The following CASK variants were observed in gnomAD, a reference collection of about 807,000 sequenced individuals.
CASK encodes peripheral plasma membrane protein CASK.
In CASK, 4 loss-of-function variants were observed where a neutral mutation model predicts 82.9. The observed-to-expected ratio is 0.05, with a 90% CI of 0.02 to 0.11. The LOEUF is 0.11. Among genes scored for constraint, CASK ranks in the 10% least tolerant of loss-of-function variants. The probability of loss-of-function intolerance (pLI) is 1.00; values close to 1 mark genes in which losing one functional copy is unlikely to be tolerated. For synonymous variants in CASK, 259 were observed against 253.5 expected, an observed-to-expected ratio of 1.02 and a Z score of -0.20; for missense variants, 358 against 720.9, an observed-to-expected ratio of 0.50 and a Z score of 5.76.
At chrX:41,843,327 G>T (rs975990257) in intron 2 of CASK, among the ~76,000 whole-genome samples, 1 of 111,589 alleles carries the variant, frequency 9.0e-6, no homozygotes, top group African/African-American at 3.3e-5. Flanking sequence ...AAAGGTTAAA[G>T]AAATTCCCTT....
chrX:41,684,659 A>C (rs778472043), intron 5 of CASK, among the ~76,000 whole-genome samples: 2 of 110,538 alleles, frequency 1.8e-5, no homozygotes, highest in African/African-American at 3.3e-5. Flanking sequence ...ACCATGCCTG[A>C]CTAATTTTTT....
At chrX:41,746,692 C>T (rs1458198447) in intron 3 of CASK, among the ~76,000 whole-genome samples, 1 of 111,580 alleles carries the variant, frequency 9.0e-6, no homozygotes, top group African/African-American at 3.3e-5. Flanking sequence ...CCCAATATAC[C>T]TGCTGCAGAT....
At chrX:41,812,812 C>A (rs773582945) in intron 2 of CASK, among the ~76,000 whole-genome samples, 1 of 111,814 alleles carries the variant, frequency 8.9e-6, no homozygotes, top group East Asian at 2.8e-4. Flanking sequence ...TCCCTGTTTG[C>A]AGATGACATG....
intron 1 of CASK, among the ~76,000 whole-genome samples, chrX:41,911,508 A>T (rs1473952027): frequency 8.9e-6 from 1 of 112,384 alleles, no homozygotes; most frequent in African/African-American, 3.2e-5. Context: ...CAGAGACTAC[A>T]ACTTCAGAAT....
chrX:41,833,678 C>T (rs923054731), intron 2 of CASK, among the ~76,000 whole-genome samples: 11 of 111,713 alleles, frequency 9.8e-5, no homozygotes, highest in South Asian at 3.8e-4. Context: ...ACCAAGTATA[C>T]GGGAATAGAT....
intron 5 of CASK, among the ~76,000 whole-genome samples, chrX:41,706,076 T>G (rs1304467879): frequency 8.9e-6 from 1 of 112,062 alleles, no homozygotes; most frequent in Non-Finnish European, 1.9e-5. Context: ...GTGTGGAAAT[T>G]CAGTTTGTTC....
intron 5 of CASK, among the ~76,000 whole-genome samples, chrX:41,694,318 G>C (rs2067637552): frequency 8.9e-6 from 1 of 111,822 alleles, no homozygotes. Context: ...CTTGCTCTGG[G>C]CATCTTTATG....
At chrX:41,865,702 T>C (rs1601919731) in intron 1 of CASK, among the ~76,000 whole-genome samples, 4 of 111,299 alleles carry the variant, frequency 3.6e-5, no homozygotes, top group African/African-American at 1.3e-4. Context: ...TCACCCTGCT[T>C]AGGTTTAGTG....
At chrX:41,708,891 C>T (rs1569412135) in intron 5 of CASK, among the ~76,000 whole-genome samples, 1 of 110,464 alleles carries the variant, frequency 9.1e-6, no homozygotes, top group African/African-American at 3.3e-5. Context: ...ATTTCTGGAA[C>T]TCTAGAGAAC....
intron 2 of CASK, among the ~76,000 whole-genome samples, chrX:41,787,516 A>G (rs1294324372): frequency 9.2e-6 from 1 of 109,122 alleles, no homozygotes; most frequent in East Asian, 2.8e-4. Context: ...TTTTAATAAA[A>G]AAAGTACACA....
intron 2 of CASK, among the ~76,000 whole-genome samples, chrX:41,834,291 A>T (rs2070888212): frequency 8.9e-6 from 1 of 111,850 alleles, no homozygotes; most frequent in Non-Finnish European, 1.9e-5. Flanking sequence ...GAGGAAGGAC[A>T]ATAGTAAAAT....
chrX:41,733,049 G>A lies in CASK; in HGVS notation c.429+6335C>T, dbSNP rs753719538. On this transcript the variant is annotated intron_variant, in intron 5 of 26. Coordinates refer to ENST00000378163, the MANE Select transcript of CASK (RefSeq NM_001367721.1). ...AAATTAGCTGAGCGTAGTGGCAGGC[G>A]CCTGTAATCTCAGCTACTCAGGAGG... Among the ~76,000 whole-genome samples, 10 of 109,250 alleles carry A rather than the reference G, an allele frequency of 9.2e-5. No individual in the cohort carries two copies. In the South Asian group the frequency reaches 2.0e-3, roughly 22 times the overall value. The allele number at this position is 109,250 out of a possible 115,157, so 94.9% of individuals were successfully genotyped here.
rs377105525 is a variant in CASK, at chrX:41,660,472, A to C, written c.798T>G (p.Thr266=). 7 of 1,209,882 alleles carry C rather than the reference A, an allele frequency of 5.8e-6. No homozygotes were observed. The African/African-American group carries it at 1.2e-4, about 21-fold the overall frequency. The change falls in exon 8 of 27, where the codon ACT becomes ACG. Residue 266 remains threonine (T), a synonymous_variant. Transcript: ENST00000378163. Reference sequence around the variant, plus strand: ...ATGGGTGATTCAGTGCTTCATAAACAGTGATCCTTTCAGCTGGATCCAGCA... The same window carrying C: ...ATGGGTGATTCAGTGCTTCATAAACCGTGATCCTTTCAGCTGGATCCAGCA... ...MLMLDPAERI[T]VYEALNHPWL...
At chrX:41,813,515 G>A (rs919080727) in intron 2 of CASK, among the ~76,000 whole-genome samples, 1 of 111,370 alleles carries the variant, frequency 9.0e-6, no homozygotes, top group Non-Finnish European at 1.9e-5. Flanking sequence ...TTAATAAATG[G>A]TGCTGGGAAA....
intron 2 of CASK, among the ~76,000 whole-genome samples, chrX:41,832,168 G>A (rs1420982362): frequency 1.8e-5 from 2 of 111,140 alleles, no homozygotes; most frequent in Non-Finnish European, 1.9e-5. Context: ...ACAGATGGTG[G>A]AAAGCTGGTA....
At chrX:41,818,895 G>A (rs1374718764) in intron 2 of CASK, among the ~76,000 whole-genome samples, 1 of 109,434 alleles carries the variant, frequency 9.1e-6, no homozygotes, top group Non-Finnish European at 1.9e-5. Context: ...AACTCAAAAT[G>A]GACCAAAGAC....
chrX:41,829,773 A>C, intron 2 of CASK, among the ~76,000 whole-genome samples: 1 of 67,445 alleles, frequency 1.5e-5, no homozygotes, highest in African/African-American at 5.7e-5. Context: ...TTTGGTAGAT[A>C]TTCCCAAACA....
chrX:41,809,108 G>A (rs755387746), intron 2 of CASK, among the ~76,000 whole-genome samples: 23 of 112,364 alleles, frequency 2.0e-4, no homozygotes, highest in Non-Finnish European at 3.6e-4. Context: ...AAACTGGGTG[G>A]AGCCCACCGC....
chrX:41,887,404 T>C (rs1158729368), intron 1 of CASK, among the ~76,000 whole-genome samples: 11 of 109,041 alleles, frequency 1.0e-4, no homozygotes, highest in African/African-American at 3.7e-4. Context: ...ATCTGCTACC[T>C]AAGCAAATAA....
Sources: gnomAD v4.1 joint callset for allele counts (sites outside exome capture counted in the v4.1 genomes callset) on GRCh38, gnomAD v4.1.1 for gene constraint, MANE v1.5 for transcripts, NCBI Gene and HGNC (gene_info 2026-07-23, HGNC 2026-07-21) for gene names.